Variants in DMBX1 observed in about 807,000 individuals in gnomAD.
DMBX1 encodes the protein diencephalon/mesencephalon homeobox protein 1.
In DMBX1, 7 loss-of-function variants were observed where a neutral mutation model predicts 30.4. The ratio of observed to expected loss-of-function variants is 0.23; its 90% confidence interval spans 0.13 to 0.43. The LOEUF (loss-of-function observed/expected upper bound fraction) is 0.43. Ranked by LOEUF, DMBX1 falls within the 20% of genes least tolerant of loss-of-function variation. The probability of loss-of-function intolerance (pLI) is 1.00; values close to 1 mark genes in which losing one functional copy is unlikely to be tolerated. For synonymous variants in DMBX1, 222 were observed against 214.2 expected (o/e 1.04, Z -0.32); for missense variants, 460 against 508.5 (o/e 0.90, Z 0.92).
In DMBX1 at chr1:46,513,968, A is replaced by G. The variant is rs1314022695; in HGVS notation, c.*1474A>G. ...CTGGGCATGGTGGCTCACACCTGTAATCCCAGCACTTTGGGAGGCCAAGGC... is the reference window on the plus strand; with the variant it reads ...CTGGGCATGGTGGCTCACACCTGTAGTCCCAGCACTTTGGGAGGCCAAGGC... On this transcript the variant is annotated 3_prime_UTR_variant, in exon 6 of 6. Transcript: ENST00000360032. 1 of 152,234 alleles carries G rather than the reference A, an allele frequency of 6.6e-6. No homozygotes were observed. The highest frequency in any genetic ancestry group is 1.9e-4 in the East Asian group (1 of 5,182). 9.4% of individuals were successfully genotyped at this position (152,234 alleles called of 1,614,324 possible). A position where few individuals can be genotyped will look rare whatever the true frequency, so the allele number is the denominator to read the frequency against.
chr1:46,497,483 T>C (rs924050196), intron 2 of DMBX1, among the ~76,000 whole-genome samples: 14 of 152,198 alleles, frequency 9.2e-5, no homozygotes, highest in African/African-American at 3.4e-4. Context: ...GTTTCCATTG[T>C]GAATGGGAAT....
intron 2 of DMBX1, among the ~76,000 whole-genome samples, chr1:46,500,148 G>A (rs751264675): frequency 6.6e-6 from 1 of 152,038 alleles, no homozygotes; most frequent in African/African-American, 2.4e-5. Context: ...AGGAGTGGTA[G>A]GTAGTCTGGT....
At chr1:46,509,807 C>G (rs967984163) in intron 3 of DMBX1, among the ~76,000 whole-genome samples, 5 of 152,088 alleles carry the variant, frequency 3.3e-5, no homozygotes, top group African/African-American at 1.2e-4. Flanking sequence ...CCTGCCACCC[C>G]CACCCTCCCC....
intron 2 of DMBX1, among the ~76,000 whole-genome samples, chr1:46,496,798 C>T (rs1158469335): frequency 5.3e-5 from 8 of 152,226 alleles, no homozygotes; most frequent in Non-Finnish European, 2.9e-5. Context: ...GATGGTAGGA[C>T]GCTAGCCAAG....
intron 2 of DMBX1, among the ~76,000 whole-genome samples, chr1:46,498,670 CATAAA>C (rs1400789172): frequency 6.6e-6 from 1 of 152,180 alleles, no homozygotes; most frequent in Non-Finnish European, 1.5e-5. Context: ...CACCAAGACA[CATAAA>C]ATAGCCAGAT....
chr1:46,500,758 T>G (rs1666110065), intron 2 of DMBX1, among the ~76,000 whole-genome samples: 1 of 152,226 alleles, frequency 6.6e-6, no homozygotes. Flanking sequence ...AACAGTATAT[T>G]GTGAACATCA....
chr1:46,511,113 C>G lies in DMBX1; in HGVS notation c.512C>G (p.Pro171Arg). The G allele has an allele frequency of 2.5e-6, 4 of 1,614,104 alleles. No homozygotes were observed. The highest frequency in any genetic ancestry group is 3.4e-6 in the Non-Finnish European group (4 of 1,180,026). The change falls in exon 5 of 6, where the codon CCT becomes CGT. Residue 171 changes from proline (P) to arginine (R), a missense_variant. By Grantham distance (103) the Pro-to-Arg change is moderately radical (BLOSUM62 -2). Transcript: ENST00000360032. Reference protein sequence around the residue: ...QPPRLPGSDPPAELHLSLSEQ... With the variant: ...QPPRLPGSDPRAELHLSLSEQ... ...CCACGTCTGCCTGGCAGCGACCCCC[C>G]TGCTGAGCTTCACCTGAGTCTGTCT...
At position 46,512,283 on chromosome 1, in the gene DMBX1, G is replaced by GCTCACTGCA; in HGVS notation, c.926_934dup (p.Ser309_His311dup). The GCTCACTGCA allele has an allele frequency of 9.9e-6, 16 of 1,613,484 alleles. No homozygotes were observed. The highest frequency in any genetic ancestry group is 1.4e-5 in the Non-Finnish European group (16 of 1,179,878). On this transcript the variant is annotated inframe_insertion, in exon 6 of 6. Coordinates refer to ENST00000360032, the MANE Select transcript of DMBX1 (RefSeq NM_172225.2). The surrounding 1 kb of genome is among the most constrained non-coding windows in gnomAD (Gnocchi z 4.8). ...CTGGGCGTCAACATGGCCCCGCTGGGCTCACTGCACTGCCAGTCCTACTAC... is the reference window on the plus strand; with the variant it reads ...CTGGGCGTCAACATGGCCCCGCTGGGCTCACTGCACTCACTGCACTGCCAGTCCTACTAC...
At chr1:46,498,022 A>G (rs952815325) in intron 2 of DMBX1, among the ~76,000 whole-genome samples, 12 of 152,184 alleles carry the variant, frequency 7.9e-5, no homozygotes, top group Non-Finnish European at 1.5e-5. Flanking sequence ...CCAAGAGTGC[A>G]GGGCCTCTGT....
intron 2 of DMBX1, among the ~76,000 whole-genome samples, chr1:46,492,430 G>T (rs1285040554): frequency 6.6e-6 from 1 of 152,194 alleles, no homozygotes; most frequent in Non-Finnish European, 1.5e-5. Context: ...TCTCCTGGGC[G>T]TCAGTGCTCT....
At position 46,511,264 on chromosome 1, in the gene DMBX1, G is replaced by A; in HGVS notation, c.663G>A (p.Lys221=). The A allele has an allele frequency of 6.3e-7, 1 of 1,596,932 alleles. No individual in the cohort carries two copies. The highest frequency in any genetic ancestry group is 1.1e-5 in the South Asian group (1 of 88,906). The change falls in exon 5 of 6, where the codon AAG becomes AAA. Residue 221 remains lysine, a synonymous_variant. Transcript: ENST00000360032. ...PGADSKGLGC[K]RGSPKADSPG... ...CTGACAGCAAGGGGCTGGGCTGCAA[G>A]AGGGGCAGCCCCAAGGCAGGTGAGG... is the stretch of plus-strand genomic sequence containing the variant.
Position 46,510,282 on chromosome 1 carries a change from A to G in DMBX1, c.155-194A>G, listed in dbSNP as rs1666336791. Among the ~76,000 whole-genome samples, 1 of 152,254 alleles carries G rather than the reference A, an allele frequency of 6.6e-6. No individual in the cohort carries two copies. The highest frequency in any genetic ancestry group is 2.1e-4 in the South Asian group (1 of 4,824). On this transcript the variant is annotated intron_variant, in intron 3 of 5. Coordinates refer to ENST00000360032, the MANE Select transcript of DMBX1 (RefSeq NM_172225.2). This position sits in a 1 kb window ranked among gnomAD's most constrained non-coding sequence, Gnocchi z 4.1. ...ACCTCTGTGGTCCTGATAGTGCATAATGGGGTGGAGAGACCTTGAAAGCCC... is the reference window on the plus strand; with the variant it reads ...ACCTCTGTGGTCCTGATAGTGCATAGTGGGGTGGAGAGACCTTGAAAGCCC...
chr1:46,509,464 C>T (rs1361406647), intron 3 of DMBX1, among the ~76,000 whole-genome samples: 1 of 152,112 alleles, frequency 6.6e-6, no homozygotes, highest in African/African-American at 2.4e-5. Context: ...GACTCAAGTT[C>T]CCTTCAGCAC....
rs1465772948 is a variant in DMBX1 at position 46,491,705 on chromosome 1, A to G, written c.-13+922A>G. Among the ~76,000 whole-genome samples the G allele has an allele frequency of 1.3e-5, 2 of 151,936 alleles. No individual in the cohort carries two copies. Among genetic ancestry groups the G allele is most frequent in the African/African-American group, 2.4e-5 (1 of 41,336 alleles). On this transcript the variant is annotated intron_variant, in intron 2 of 5. Transcript: ENST00000360032. This position sits in a 1 kb window ranked among gnomAD's most constrained non-coding sequence, Gnocchi z 5.5. ...GTCCAACCCCTTTCTAGAAAGTTCT[A>G]TGGTCTGTTAGTTTTAGGTGGGTGT...
rs183260901 is a variant in DMBX1, at chr1:46,490,298, C to A, written c.-152-346C>A. ...CTTGGCCCGCGGAGACGCAGGCACC[C>A]GCGGAGAACGCTTCGGATCCGTCAC... On this transcript the variant is annotated intron_variant, in intron 1 of 5. Coordinates refer to ENST00000360032, the MANE Select transcript of DMBX1 (RefSeq NM_172225.2). Among the ~76,000 whole-genome samples the A allele has an allele frequency of 9.2e-5, 14 of 152,218 alleles. No homozygotes were observed. The East Asian group carries it at 2.7e-3, about 29-fold the overall frequency.
Position 46,507,144 on chromosome 1 carries a change from C to T in DMBX1, c.134C>T (p.Thr45Ile), listed in dbSNP as rs770024486. The change falls in exon 3 of 6, where the codon ACA (threonine) becomes ATA (isoleucine). Residue 45 changes from threonine to isoleucine, a missense_variant. This residue lies in a region of DMBX1 where 124 missense variants were observed against 144.0 expected (regional missense o/e 0.86). Transcript: ENST00000360032. ...TACCGGCCTTCAGTGCATGCGCTTA[C>T]ATTGGCTGAGCGCCTGGCTGGTAAG... is the stretch of plus-strand genomic sequence containing the variant. ...PDYRPSVHALTLAERLADIIL... is the reference protein window; with the variant it reads ...PDYRPSVHALILAERLADIIL... 1 of 1,614,074 alleles carries T rather than the reference C, an allele frequency of 6.2e-7. No homozygotes were observed. The highest frequency in any genetic ancestry group is 1.3e-5 in the African/African-American group (1 of 74,934).
At chr1:46,507,304 G>A in intron 3 of DMBX1, 140 bp downstream of exon 3, 1 of 1,128,704 alleles carries the variant, frequency 8.9e-7, no homozygotes, top group South Asian at 1.6e-5. Flanking sequence ...TAGCAACACA[G>A]AGAGATGTCA....
intron 2 of DMBX1, among the ~76,000 whole-genome samples, chr1:46,505,246 CTG>C (rs1323617905): frequency 3.4e-5 from 5 of 145,920 alleles, no homozygotes; most frequent in Admixed American, 6.9e-5. Context: ...CATCCCATTA[CTG>C]GGTATATACC....
At chr1:46,503,790 C>T (rs759944775) in intron 2 of DMBX1, among the ~76,000 whole-genome samples, 5 of 152,200 alleles carry the variant, frequency 3.3e-5, no homozygotes, top group Non-Finnish European at 5.9e-5. Flanking sequence ...CCTGCCATTG[C>T]CCCAGCCTTC....
Sources: gnomAD v4.1 joint callset for allele counts (sites outside exome capture counted in the v4.1 genomes callset) on GRCh38, gnomAD v4.1.1 for gene constraint, gnomAD v4.1.1 regional missense constraint, Gnocchi (gnomAD v3.1) non-coding constraint, MANE v1.5 for transcripts, NCBI Gene and HGNC (gene_info 2026-07-23, HGNC 2026-07-21) for gene names.